Variants in GCA observed in about 807,000 individuals in gnomAD.
GCA encodes grancalcin, EF-hand calcium-binding protein.
Under a neutral mutation model 32.6 loss-of-function variants are expected in GCA, and 30 were observed. The observed-to-expected ratio is 0.92, with a 90% CI of 0.69 to 1.25. GCA has a LOEUF of 1.25. Among genes scored for constraint, GCA ranks in the 50% most tolerant of loss-of-function variants. The probability of loss-of-function intolerance (pLI) is 0.00; values close to 1 mark genes in which losing one functional copy is unlikely to be tolerated. For missense variants in GCA, 291 were observed against 266.8 expected, an observed-to-expected ratio of 1.09 and a Z score of -0.63; for synonymous variants, 102 against 84.6, an observed-to-expected ratio of 1.21 and a Z score of -1.13.
At chr2:162,344,324 G>GC (rs1185383560) in intron 1 of GCA, 49 bp downstream of exon 1, 7 of 1,584,256 alleles carry the variant, frequency 4.4e-6, no homozygotes, top group East Asian at 2.2e-5. Flanking sequence ...GGGGTGTGGC[G>GC]CCCCCGGGGG....
upstream of GCA, chr2:162,318,942 G>C: frequency 3.5e-6 from 1 of 288,154 alleles, no homozygotes. Flanking sequence ...AAGGTCCTTT[G>C]TAGGCCAAAA....
At chr2:162,326,084 G>A (rs552893537) in intron 1 of GCA, among the ~76,000 whole-genome samples, 1 of 152,160 alleles carries the variant, frequency 6.6e-6, no homozygotes, top group South Asian at 2.1e-4. Context: ...TGCTGGGTGT[G>A]CCTCTGAGAC....
exon 5 of GCA, chr2:162,371,519 T>G: frequency 8.8e-7 from 1 of 1,130,664 alleles, no homozygotes; most frequent in East Asian, 5.0e-5. Context: ...GTAAAAGCAG[T>G]AAATAGGAGT....
intron 1 of GCA, among the ~76,000 whole-genome samples, chr2:162,321,833 C>T (rs931859071): frequency 7.9e-5 from 11 of 139,608 alleles, no homozygotes; most frequent in African/African-American, 1.8e-4. Flanking sequence ...AGAGATGGTG[C>T]GGTGCTAGTC....
At chr2:162,368,086 C>A (rs1249612387), downstream of GCA, among the ~76,000 whole-genome samples, 1 of 151,820 alleles carries the variant, frequency 6.6e-6, no homozygotes, top group Non-Finnish European at 1.5e-5. Flanking sequence ...CTGGGTCCCA[C>A]CCCTAAATTT....
At position 162,333,372 on chromosome 2, in the gene GCA, T is replaced by C. The variant is rs1684162260; in HGVS notation, c.-31+14147T>C. 2.6e-5 allele frequency among the ~76,000 whole-genome samples: 4 copies of C among 152,296 alleles called. No individual in the cohort carries two copies. The South Asian group carries it at 8.3e-4, about 32-fold the overall frequency. On this transcript the variant is annotated intron_variant, in intron 1 of 4. Transcript: ENST00000429691. Reference sequence around the variant, plus strand: ...TTAAAATACATTTTCTGATTATTCCTTAAATAATTAACTTTTTTTCCCTCT... The same window carrying C: ...TTAAAATACATTTTCTGATTATTCCCTAAATAATTAACTTTTTTTCCCTCT...
downstream of GCA, among the ~76,000 whole-genome samples, chr2:162,367,630 T>G (rs1267374429): frequency 6.6e-6 from 1 of 152,060 alleles, no homozygotes; most frequent in African/African-American, 2.4e-5. Context: ...TTAAGAGAGA[T>G]AAAACAATAG....
At chr2:162,367,741 TCTC>T (rs1270110673), downstream of GCA, among the ~76,000 whole-genome samples, 5 of 151,944 alleles carry the variant, frequency 3.3e-5, no homozygotes, top group Admixed American at 2.0e-4. Flanking sequence ...GGGAAATTGT[TCTC>T]CTGATTGTTT....
At chr2:162,345,156 G>A (rs939633884) in intron 1 of GCA, among the ~76,000 whole-genome samples, 1 of 151,804 alleles carries the variant, frequency 6.6e-6, no homozygotes, top group African/African-American at 2.4e-5. Flanking sequence ...GGTTGTTGTT[G>A]TTGTTTTAGG....
At chr2:162,330,860 G>A (rs955705024) in intron 1 of GCA, among the ~76,000 whole-genome samples, 5 of 152,208 alleles carry the variant, frequency 3.3e-5, no homozygotes, top group African/African-American at 1.2e-4. Flanking sequence ...ATTGCTTCTA[G>A]AGAAAATGCA....
At chr2:162,345,337 C>A (rs1392858503) in intron 1 of GCA, among the ~76,000 whole-genome samples, 1 of 152,094 alleles carries the variant, frequency 6.6e-6, no homozygotes, top group African/African-American at 2.4e-5. Flanking sequence ...AGTAAAGCCC[C>A]TTCGAAGATT....
rs77603194 is a variant in GCA at position 162,334,455 on chromosome 2, A to G, written c.-30-13123A>G. Among the ~76,000 whole-genome samples, 1,143 of 152,276 alleles carry G rather than the reference A, an allele frequency of 7.5e-3. 12 individuals carry two copies. The highest frequency in any genetic ancestry group is 0.026 in the African/African-American group (1,087 of 41,564). On this transcript the variant is annotated intron_variant, in intron 1 of 4. Transcript: ENST00000429691. Reference sequence around the variant, plus strand: ...AAAATCATTTAAAATTAAGCTGCTCAGGGCCCAAGATACTTCTGCTACAGA... The same window carrying G: ...AAAATCATTTAAAATTAAGCTGCTCGGGGCCCAAGATACTTCTGCTACAGA...
chr2:162,366,691 G>A (rs979716375), downstream of GCA, among the ~76,000 whole-genome samples: 1 of 151,812 alleles, frequency 6.6e-6, no homozygotes, highest in Admixed American at 6.6e-5. Flanking sequence ...AAAAACTTTG[G>A]GAACATTTGA....
chr2:162,374,153 A>T (rs189378291), downstream of GCA, among the ~76,000 whole-genome samples: 8 of 152,174 alleles, frequency 5.3e-5, no homozygotes, highest in Non-Finnish European at 7.3e-5. Context: ...TCCTATTCAT[A>T]TTAAGTATTG....
Position 162,360,322 on chromosome 2 carries a change from T to C in GCA, c.*79T>C. Reference sequence around the variant, plus strand: ...AGTGAACTGGACTACTTTAAAACTTTTAAGGGTTTTCTATGTTCTTCCTAC... The same window carrying C: ...AGTGAACTGGACTACTTTAAAACTTCTAAGGGTTTTCTATGTTCTTCCTAC... On this transcript the variant is annotated 3_prime_UTR_variant, in exon 8 of 8. Transcript: ENST00000437150. The C allele has an allele frequency of 2.6e-6, 4 of 1,531,488 alleles. No homozygotes were observed. Among genetic ancestry groups the C allele is most frequent in the Non-Finnish European group, 3.5e-6 (4 of 1,143,590 alleles). The allele number at this position is 1,531,488 out of a possible 1,614,324, so 94.9% of individuals were successfully genotyped here. A position where few individuals can be genotyped will look rare whatever the true frequency, so the allele number is the denominator to read the frequency against.
At chr2:162,363,637 A>C (rs1321054884), downstream of GCA, among the ~76,000 whole-genome samples, 3 of 151,432 alleles carry the variant, frequency 2.0e-5, no homozygotes, top group Non-Finnish European at 4.4e-5. Flanking sequence ...TTCCAGCAAA[A>C]CACTGGGAAA....
In GCA at chr2:162,359,493, G is replaced by T; in HGVS notation, c.569-1G>T. 6.9e-7 allele frequency: 1 copy of T among 1,456,864 alleles called. No homozygotes were observed. The highest frequency in any genetic ancestry group is 9.5e-7 in the Non-Finnish European group (1 of 1,050,664). The allele number at this position is 1,456,864 out of a possible 1,614,324, so 90.2% of individuals were successfully genotyped here. On this transcript the variant is annotated splice_acceptor_variant, in intron 6 of 7. Transcript: ENST00000437150. LOFTEE classifies it high-confidence loss of function. ...TAAAAAAGTAATTTCTTTGTTTAAA[G>T]ATTTCTTTAGGAAAAGAGACCACTT...
At chr2:162,375,265 G>A (rs989931909), downstream of GCA, among the ~76,000 whole-genome samples, 3 of 152,178 alleles carry the variant, frequency 2.0e-5, no homozygotes, top group African/African-American at 7.2e-5. Flanking sequence ...GGGAAAGACT[G>A]GAAGAAGAAC....
At chr2:162,370,113 A>G (rs1296235515) in intron 4 of GCA, among the ~76,000 whole-genome samples, 1 of 152,174 alleles carries the variant, frequency 6.6e-6, no homozygotes, top group East Asian at 1.9e-4. Flanking sequence ...GAGCAATCTA[A>G]GGTCACTTTA....
Sources: gnomAD v4.1 joint callset for allele counts (sites outside exome capture counted in the v4.1 genomes callset) on GRCh38, gnomAD v4.1.1 for gene constraint, MANE v1.5 for transcripts, NCBI Gene and HGNC (gene_info 2026-07-23, HGNC 2026-07-21) for gene names.